The following TLK1 variants were observed in gnomAD, a reference collection of about 807,000 sequenced individuals.
TLK1 encodes tousled like kinase 1, also known as serine/threonine-protein kinase tousled-like 1.
TLK1 carries 24 observed loss-of-function variants against 105.3 expected under a neutral mutation model. The observed-to-expected ratio is 0.23, with a 90% CI of 0.17 to 0.32. The LOEUF is 0.32. TLK1 is among the 10% of genes least tolerant of loss of function. The pLI is 1.00. For missense variants in TLK1, 558 were observed against 910.5 expected (o/e 0.61, Z 4.98); for synonymous variants, 321 against 310.4 (o/e 1.03, Z -0.36).
At chr2:171,078,601 G>C (rs1013430662) in intron 3 of TLK1, among the ~76,000 whole-genome samples, 8 of 152,000 alleles carry the variant, frequency 5.3e-5, no homozygotes, top group Non-Finnish European at 7.4e-5. Flanking sequence ...TTCTACCCCA[G>C]ACCTACCGTC....
chr2:171,151,971 CTTAG>C (rs946842452), intron 1 of TLK1, among the ~76,000 whole-genome samples: 1 of 152,132 alleles, frequency 6.6e-6, no homozygotes, highest in African/African-American at 2.4e-5. Flanking sequence ...TGTCTCTGGT[CTTAG>C]GAGACAGGAT....
intron 3 of TLK1, among the ~76,000 whole-genome samples, chr2:171,067,767 C>G (rs1050438648): frequency 6.6e-6 from 1 of 152,056 alleles, no homozygotes; most frequent in African/African-American, 2.4e-5. Context: ...CCCTCAGCCC[C>G]CACCTCAAAA....
chr2:171,015,422 A>ACG (rs1685130286), intron 12 of TLK1, among the ~76,000 whole-genome samples: 1 of 38,028 alleles, frequency 2.6e-5, no homozygotes, highest in African/African-American at 6.9e-5. Context: ...ACAAACACAC[A>ACG]CACACACACA....
Position 170,993,928 on chromosome 2 carries a change from C to T in TLK1, c.2153G>A (p.Arg718Gln), listed in dbSNP as rs1377379962. Residue 718 changes from arginine (R) to glutamine (Q), a missense_variant, in exon 21 of 21, where the codon CGA (arginine) becomes CAA (glutamine). Coordinates refer to ENST00000431350, the MANE Select transcript of TLK1 (RefSeq NM_012290.5). ...KAFIRRCLAYRKEDRFDVHQL... is the reference protein window; with the variant it reads ...KAFIRRCLAYQKEDRFDVHQL... ...GTGCACATCAAATCGATCTTCTTTTCGATATGCCAAACAGCGTCTTATAAA... is the reference window on the plus strand; with the variant it reads ...GTGCACATCAAATCGATCTTCTTTTTGATATGCCAAACAGCGTCTTATAAA... 1.1e-5 allele frequency: 17 copies of T among 1,609,094 alleles called. No homozygotes were observed. Among genetic ancestry groups the T allele is most frequent in the Non-Finnish European group, 1.4e-5 (16 of 1,178,140 alleles).
chr2:171,139,171 C>A (rs193032928), intron 1 of TLK1, among the ~76,000 whole-genome samples: 201 of 152,214 alleles, frequency 1.3e-3, no homozygotes, highest in African/African-American at 4.5e-3. Flanking sequence ...TATATATATA[C>A]ACACACATAT....
chr2:171,040,701 T>C (rs1686630730), intron 11 of TLK1, among the ~76,000 whole-genome samples: 1 of 151,170 alleles, frequency 6.6e-6, no homozygotes, highest in Admixed American at 6.6e-5. Flanking sequence ...CTCAGCCTCC[T>C]GAGAAGCTGG....
chr2:171,089,428 C>T (rs540737040), intron 2 of TLK1, among the ~76,000 whole-genome samples: 13 of 152,280 alleles, frequency 8.5e-5, no homozygotes, highest in African/African-American at 2.4e-4. Flanking sequence ...CTACAATTTA[C>T]TTGAAATTGA....
chr2:171,143,258 C>T (rs1558965608), intron 1 of TLK1, among the ~76,000 whole-genome samples: 1 of 151,844 alleles, frequency 6.6e-6, no homozygotes, highest in East Asian at 1.9e-4. Context: ...TCAAAAGATA[C>T]ATTTGGGAGG....
At chr2:171,066,804 T>C in intron 3 of TLK1, 2 of 1,546,538 alleles carry the variant, frequency 1.3e-6, no homozygotes, top group Non-Finnish European at 1.7e-6. Context: ...TACTATAAAA[T>C]TAGAATAAAG....
At chr2:171,037,559 G>A (rs909539204) in intron 11 of TLK1, among the ~76,000 whole-genome samples, 5 of 151,932 alleles carry the variant, frequency 3.3e-5, no homozygotes, top group Non-Finnish European at 7.4e-5. Context: ...TGTTTGCTAA[G>A]AGTTTTAGTC....
intron 11 of TLK1, among the ~76,000 whole-genome samples, chr2:171,041,043 A>T (rs1686650499): frequency 6.6e-6 from 1 of 152,240 alleles, no homozygotes; most frequent in Non-Finnish European, 1.5e-5. Flanking sequence ...TTAATTTGAA[A>T]TATATTTTAA....
intron 1 of TLK1, among the ~76,000 whole-genome samples, chr2:171,213,938 G>A (rs13024364): frequency 0.027 from 4,048 of 151,146 alleles, 87 homozygotes; most frequent in Non-Finnish European, 0.036. Context: ...TGTTGACCAG[G>A]CTGGTCTCAA....
At chr2:171,047,967 G>A (rs1575549902) in intron 10 of TLK1, among the ~76,000 whole-genome samples, 3 of 152,144 alleles carry the variant, frequency 2.0e-5, no homozygotes, top group Admixed American at 2.0e-4. Flanking sequence ...ATTATTTTTT[G>A]AGACAGACTC....
intron 18 of TLK1, among the ~76,000 whole-genome samples, chr2:171,005,874 A>G (rs181220459): frequency 6.6e-6 from 1 of 152,158 alleles, no homozygotes; most frequent in African/African-American, 2.4e-5. Flanking sequence ...CCATGAATGA[A>G]TTCTTCCTGT....
At chr2:171,107,477 T>C (rs78446522) in intron 2 of TLK1, among the ~76,000 whole-genome samples, 1 of 152,190 alleles carries the variant, frequency 6.6e-6, no homozygotes, top group Non-Finnish European at 1.5e-5. Flanking sequence ...TGATTCTACA[T>C]TAGCTGGCAT....
At chr2:171,020,472 G>A (rs139208225) in intron 12 of TLK1, among the ~76,000 whole-genome samples, 2,149 of 151,642 alleles carry the variant, frequency 0.014, 23 homozygotes, top group Non-Finnish European at 0.022. Flanking sequence ...CCCAGGAGTC[G>A]GAGGTTGCAG....
At chr2:171,095,261 A>G (rs1057203567) in intron 2 of TLK1, among the ~76,000 whole-genome samples, 3 of 152,082 alleles carry the variant, frequency 2.0e-5, no homozygotes, top group African/African-American at 4.8e-5. Flanking sequence ...AGCAGGGGGG[A>G]AAATATATAT....
At chr2:171,195,604 G>T (rs1345489983) in intron 1 of TLK1, among the ~76,000 whole-genome samples, 1 of 149,322 alleles carries the variant, frequency 6.7e-6, no homozygotes, top group Admixed American at 6.7e-5. Context: ...CTTGTCTTTT[G>T]TTCCTGAAAT....
intron 2 of TLK1, among the ~76,000 whole-genome samples, chr2:171,102,838 C>A (rs1051132294): frequency 5.9e-5 from 9 of 152,036 alleles, no homozygotes; most frequent in Admixed American, 1.3e-4. Context: ...GTGAAAAAAA[C>A]AGACTGAAGT....
Sources: allele counts gnomAD v4.1 joint callset (sites outside exome capture counted in the v4.1 genomes callset), GRCh38; gene constraint gnomAD v4.1.1; transcripts MANE v1.5; gene names NCBI Gene and HGNC (gene_info 2026-07-23, HGNC 2026-07-21).